Variants in THSD7B observed in about 807,000 individuals in gnomAD.
THSD7B encodes thrombospondin type 1 domain containing 7B, also known as thrombospondin type-1 domain-containing protein 7B.
In THSD7B, 138 loss-of-function variants were observed where a neutral mutation model predicts 213.6. The ratio of observed to expected loss-of-function variants is 0.65; its 90% CI spans 0.56 to 0.74. The LOEUF (loss-of-function observed/expected upper bound fraction) is 0.74, where lower values mean the gene tolerates loss of function less well. THSD7B is among the 30% of genes least tolerant of loss of function. The pLI is 0.00. For missense variants in THSD7B, 1,931 were observed against 1,991.5 expected, an observed-to-expected ratio of 0.97 and a Z score of 0.58; for synonymous variants, 742 against 687.0, an observed-to-expected ratio of 1.08 and a Z score of -1.25.
intron 27 of THSD7B, among the ~76,000 whole-genome samples, chr2:137,674,877 C>A (rs889011231): frequency 7.9e-5 from 12 of 152,110 alleles, no homozygotes; most frequent in African/African-American, 2.7e-4. Flanking sequence ...CTGCCAAAAC[C>A]ATTTTTAATT....
intron 16 of THSD7B, among the ~76,000 whole-genome samples, chr2:137,570,400 C>T (rs952242871): frequency 1.3e-5 from 2 of 152,008 alleles, no homozygotes; most frequent in African/African-American, 2.4e-5. Flanking sequence ...ACTCAGCCTC[C>T]CGGGTTCACG....
At chr2:137,379,673 G>A (rs763690998) in intron 12 of THSD7B, among the ~76,000 whole-genome samples, 1 of 152,210 alleles carries the variant, frequency 6.6e-6, no homozygotes, top group African/African-American at 2.4e-5. Flanking sequence ...GAGATTGCTA[G>A]AACATCCTCT....
At chr2:137,272,739 C>A in intron 11 of THSD7B, 77 bp downstream of exon 11, 2 of 1,475,256 alleles carry the variant, frequency 1.4e-6, no homozygotes, top group South Asian at 2.6e-5. Context: ...AACATATGGT[C>A]GTTTGGTGAA....
At chr2:137,272,451 C>CTT in intron 10 of THSD7B, 82 bp from the exon 11 acceptor site, 1 of 1,385,792 alleles carries the variant, frequency 7.2e-7, no homozygotes, top group South Asian at 1.5e-5. Flanking sequence ...ATCTCTCTCT[C>CTT]TTTTTTTTCA....
chr2:136,851,350 C>T (rs2104963680), intron 1 of THSD7B, among the ~76,000 whole-genome samples: 1 of 152,178 alleles, frequency 6.6e-6, no homozygotes, highest in African/African-American at 2.4e-5. Flanking sequence ...ATTCCACTCC[C>T]CATGTCTCTT....
chr2:136,989,581 A>G (rs1685729496), intron 2 of THSD7B, among the ~76,000 whole-genome samples: 1 of 152,142 alleles, frequency 6.6e-6, no homozygotes. Context: ...AAGGAAACCT[A>G]ATTTCTTTAT....
At chr2:137,072,590 T>G (rs1335971799) in intron 3 of THSD7B, among the ~76,000 whole-genome samples, 1 of 152,172 alleles carries the variant, frequency 6.6e-6, no homozygotes, top group Non-Finnish European at 1.5e-5. Flanking sequence ...TTGAATACCC[T>G]TTATTTCCTT....
chr2:137,119,408 C>T (rs1688505749), intron 5 of THSD7B, among the ~76,000 whole-genome samples: 1 of 152,132 alleles, frequency 6.6e-6, no homozygotes, highest in Non-Finnish European at 1.5e-5. Context: ...GCTACAGTGA[C>T]TTAAGTGTTT....
intron 1 of THSD7B, among the ~76,000 whole-genome samples, chr2:136,817,106 G>A (rs1284347615): frequency 6.6e-6 from 1 of 152,108 alleles, no homozygotes; most frequent in East Asian, 1.9e-4. Flanking sequence ...GAAAAACAAT[G>A]CTAGCAGTAA....
At chr2:136,774,914 G>A (rs2104901234) in intron 1 of THSD7B, among the ~76,000 whole-genome samples, 1 of 152,172 alleles carries the variant, frequency 6.6e-6, no homozygotes, top group East Asian at 1.9e-4. Context: ...CGAATGTAAA[G>A]TCCAAGATGC....
chr2:137,038,474 C>A (rs571584171), intron 2 of THSD7B, among the ~76,000 whole-genome samples: 1 of 152,174 alleles, frequency 6.6e-6, no homozygotes, highest in Non-Finnish European at 1.5e-5. Flanking sequence ...CTTGGCCACT[C>A]ACAGGCATCA....
chr2:137,473,871 T>C (rs907149759), intron 15 of THSD7B, among the ~76,000 whole-genome samples: 1 of 152,208 alleles, frequency 6.6e-6, no homozygotes, highest in Admixed American at 6.5e-5. Context: ...AATCACACTT[T>C]GAAAACCACT....
intron 2 of THSD7B, among the ~76,000 whole-genome samples, chr2:137,031,869 T>C (rs1197457144): frequency 6.8e-6 from 1 of 147,206 alleles, no homozygotes; most frequent in Non-Finnish European, 1.5e-5. Context: ...GGGGATAAGG[T>C]TTTGCTCTGT....
At chr2:136,814,288 G>A (rs979807025) in intron 1 of THSD7B, among the ~76,000 whole-genome samples, 2 of 152,134 alleles carry the variant, frequency 1.3e-5, no homozygotes, top group Non-Finnish European at 2.9e-5. Flanking sequence ...CTCGGAATGG[G>A]CTTGCTGGTA....
chr2:137,372,187 G>C (rs1190956036), intron 12 of THSD7B, among the ~76,000 whole-genome samples: 1 of 152,068 alleles, frequency 6.6e-6, no homozygotes, highest in Non-Finnish European at 1.5e-5. Context: ...CCTAGAGGGG[G>C]AAGACCTGAT....
chr2:137,383,834 C>A (rs1480780501), intron 12 of THSD7B, among the ~76,000 whole-genome samples: 1 of 152,168 alleles, frequency 6.6e-6, no homozygotes, highest in Non-Finnish European at 1.5e-5. Flanking sequence ...CCACCAACAC[C>A]CCTCAGACCT....
chr2:137,398,304 T>C (rs1482279928), intron 12 of THSD7B, among the ~76,000 whole-genome samples: 20 of 145,230 alleles, frequency 1.4e-4, no homozygotes, highest in Admixed American at 1.1e-3. Flanking sequence ...TTTATCTACT[T>C]TTGGTCTTTG....
At chr2:137,639,462 G>A (rs866276760) in intron 20 of THSD7B, among the ~76,000 whole-genome samples, 1 of 152,214 alleles carries the variant, frequency 6.6e-6, no homozygotes, top group Middle Eastern at 3.2e-3. Context: ...GTGCAGAAGG[G>A]AAATATGGGG....
chr2:136,920,727 G>T (rs1684421831), intron 2 of THSD7B, among the ~76,000 whole-genome samples: 1 of 152,128 alleles, frequency 6.6e-6, no homozygotes, highest in African/African-American at 2.4e-5. Flanking sequence ...CAGTGCCCAG[G>T]CTGTCTGCAC....
Sources: allele counts gnomAD v4.1 joint callset (sites outside exome capture counted in the v4.1 genomes callset), GRCh38; gene constraint gnomAD v4.1.1; transcripts MANE v1.5; gene names NCBI Gene and HGNC (gene_info 2026-07-23, HGNC 2026-07-21).